TMEM244: variants seen among roughly 807,000 people sequenced by gnomAD.
The protein encoded by TMEM244 is putative transmembrane protein 244.
In TMEM244, 13 loss-of-function variants were observed where a neutral mutation model predicts 15.8. The ratio of observed to expected loss-of-function variants is 0.82; its 90% CI spans 0.53 to 1.30. The LOEUF (loss-of-function observed/expected upper bound fraction) is 1.30, where lower values mean the gene tolerates loss of function less well. Ranked by LOEUF, TMEM244 falls within the 50% of genes most tolerant of loss-of-function variation. TMEM244 has a pLI of 0.00. For missense variants in TMEM244, 161 were observed against 144.9 expected (o/e 1.11, Z -0.57); for synonymous variants, 45 against 48.7 (o/e 0.92, Z 0.32).
chr6:129,860,467 C>A (rs928067969), intron 1 of TMEM244, among the ~76,000 whole-genome samples: 3 of 152,030 alleles, frequency 2.0e-5, no homozygotes, highest in African/African-American at 7.3e-5. Context: ...GAAATACACA[C>A]GGTGCTGATA....
At position 129,831,331 on chromosome 6, in the gene TMEM244, T is replaced by C; in HGVS notation, c.375A>G (p.Lys125=). ...TGCATTAGAGAATCTAAACAAGCAATTTTGATATACCTAAAGCAGCCCACC... is the reference window on the plus strand; with the variant it reads ...TGCATTAGAGAATCTAAACAAGCAACTTTGATATACCTAAAGCAGCCCACC... The part of the protein sequence containing the change: ...SHWWAALGIS[K]LLV Residue 125 remains lysine (K), a synonymous_variant, in exon 5 of 5, where the codon AAA becomes AAG. Coordinates refer to ENST00000368143, the MANE Select transcript of TMEM244 (RefSeq NM_001010876.2). 6.4e-7 allele frequency: 1 copy of C among 1,557,874 alleles called. No homozygotes were observed. Among genetic ancestry groups the C allele is most frequent in the Non-Finnish European group, 8.9e-7 (1 of 1,128,954 alleles).
At chr6:129,851,832 T>C (rs1187763366) in intron 1 of TMEM244, among the ~76,000 whole-genome samples, 2 of 152,252 alleles carry the variant, frequency 1.3e-5, no homozygotes, top group African/African-American at 4.8e-5. Context: ...AGTCTAGATA[T>C]TTGGCTACTG....
At chr6:129,833,035 G>A (rs1776352208) in intron 4 of TMEM244, among the ~76,000 whole-genome samples, 1 of 152,058 alleles carries the variant, frequency 6.6e-6, no homozygotes, top group African/African-American at 2.4e-5. Context: ...CAGATTGGAT[G>A]TTGAAAAAGA....
At chr6:129,852,195 A>C (rs1776644257) in intron 1 of TMEM244, among the ~76,000 whole-genome samples, 1 of 152,188 alleles carries the variant, frequency 6.6e-6, no homozygotes, top group Non-Finnish European at 1.5e-5. Flanking sequence ...ATTTTATTTA[A>C]ATTTGCATAT....
chr6:129,833,415 T>C (rs1441280657), intron 4 of TMEM244, 45 bp downstream of exon 4: 1 of 1,583,524 alleles, frequency 6.3e-7, no homozygotes, highest in Non-Finnish European at 8.6e-7. Context: ...GTCCAACATC[T>C]GTTTTAATAC....
At chr6:129,853,648 C>A (rs1776665069) in intron 1 of TMEM244, among the ~76,000 whole-genome samples, 1 of 152,044 alleles carries the variant, frequency 6.6e-6, no homozygotes, top group Non-Finnish European at 1.5e-5. Flanking sequence ...CCTTCCACTG[C>A]CCTAAAAAAT....
chr6:129,849,830 G>A lies in TMEM244; in HGVS notation c.34-3978C>T, dbSNP rs866200667. ...TATTGAGGAGGGTACAGAGTGCTATGTAAGCCCAAGCGAGACGCCAGCAGA... is the reference window on the plus strand; with the variant it reads ...TATTGAGGAGGGTACAGAGTGCTATATAAGCCCAAGCGAGACGCCAGCAGA... On this transcript the variant is annotated intron_variant, in intron 1 of 4. Transcript: ENST00000368143. Among the ~76,000 whole-genome samples, 3 of 152,232 alleles carry A rather than the reference G, an allele frequency of 2.0e-5. 1 individual carries two copies. Among genetic ancestry groups the A allele is most frequent in the Admixed American group, 2.0e-4 (3 of 15,280 alleles).
At position 129,833,505 on chromosome 6, in the gene TMEM244, A is replaced by G; in HGVS notation, c.274T>C (p.Tyr92His). Reference sequence around the variant, plus strand: ...TGAAGAATAGTGACTGAAATAGCATAATCCCAAACCCATTCTTCCACAACT... The same window carrying G: ...TGAAGAATAGTGACTGAAATAGCATGATCCCAAACCCATTCTTCCACAACT... ...VPVVEEWVWD[Y>H]AISVTILHVA... Residue 92 changes from tyrosine (Y) to histidine (H), a missense_variant, in exon 4 of 5, where the codon TAT (tyrosine) becomes CAT (histidine). Transcript: ENST00000368143. The G allele has an allele frequency of 6.2e-7, 1 of 1,613,372 alleles. No individual in the cohort carries two copies. Among genetic ancestry groups the G allele is most frequent in the South Asian group, 1.1e-5 (1 of 91,016 alleles).
At chr6:129,858,927 TG>T (rs764099218) in intron 1 of TMEM244, among the ~76,000 whole-genome samples, 1 of 152,100 alleles carries the variant, frequency 6.6e-6, no homozygotes, top group Non-Finnish European at 1.5e-5. Context: ...CCTGAGTAGC[TG>T]GGACTACAGG....
At chr6:129,845,434 G>A (rs1776547614) in intron 2 of TMEM244, among the ~76,000 whole-genome samples, 1 of 152,084 alleles carries the variant, frequency 6.6e-6, no homozygotes, top group South Asian at 2.1e-4. Context: ...TTCATTTCAT[G>A]ATTGTTACTT....
chr6:129,860,145 G>GTGTGTC lies in TMEM244; in HGVS notation c.33+1010_33+1011insGACACA, dbSNP rs1407993279. On this transcript the variant is annotated intron_variant, in intron 1 of 4. Transcript: ENST00000368143. Reference sequence around the variant, plus strand: ...TGTGTGTGTGTGTGTGTGTGTGTGTGTGTCTGTCTGTCTGGTCTGTGTAAG... The same window carrying GTGTGTC: ...TGTGTGTGTGTGTGTGTGTGTGTGTGTGTGTCTGTCTGTCTGTCTGGTCTGTGTAAG... Among the ~76,000 whole-genome samples, 541 of 129,148 alleles carry GTGTGTC rather than the reference G, an allele frequency of 4.2e-3. 3 individuals carry two copies. The highest frequency in any genetic ancestry group is 6.0e-3 in the East Asian group (28 of 4,652). 84.7% of individuals were successfully genotyped at this position (129,148 alleles called of 152,430 possible).
At chr6:129,841,665 T>A (rs1421982842) in intron 3 of TMEM244, among the ~76,000 whole-genome samples, 1 of 152,156 alleles carries the variant, frequency 6.6e-6, no homozygotes, top group Non-Finnish European at 1.5e-5. Flanking sequence ...GTATTATTTA[T>A]CTCAAAAAAA....
intron 3 of TMEM244, among the ~76,000 whole-genome samples, chr6:129,836,196 C>G (rs1776404279): frequency 6.6e-6 from 1 of 152,148 alleles, no homozygotes; most frequent in Non-Finnish European, 1.5e-5. Context: ...AGGTGCCCCT[C>G]TGGGACGAAG....
chr6:129,837,532 C>T (rs964909154), intron 3 of TMEM244, among the ~76,000 whole-genome samples: 1 of 152,126 alleles, frequency 6.6e-6, no homozygotes, highest in Non-Finnish European at 1.5e-5. Flanking sequence ...GGCAAAATAA[C>T]CAGCTAACAT....
Position 129,833,526 on chromosome 6 carries a change from C to T in TMEM244, c.253G>A (p.Val85Met). 6.2e-7 allele frequency: 1 copy of T among 1,613,214 alleles called. No homozygotes were observed. Among genetic ancestry groups the T allele is most frequent in the Non-Finnish European group, 8.5e-7 (1 of 1,179,612 alleles). The change falls in exon 4 of 5, where the codon GTG (valine) becomes ATG (methionine). Residue 85 changes from valine (V) to methionine (M), a missense_variant. Physicochemically the swap from Val to Met is conservative, Grantham distance 21. Transcript: ENST00000368143. ...GCATAATCCCAAACCCATTCTTCCA[C>T]AACTGGAACAAAAAACAATCCACAA... ...FVCGLFFVPV[V>M]EEWVWDYAIS...
intron 4 of TMEM244, 139 bp from the exon 5 acceptor site, chr6:129,831,525 G>T: frequency 1.6e-6 from 1 of 640,364 alleles, no homozygotes; most frequent in South Asian, 2.0e-5. Context: ...GTAGCCCCAA[G>T]TTGTACTTCA....
At chr6:129,849,882 T>C (rs1435937189) in intron 1 of TMEM244, among the ~76,000 whole-genome samples, 1 of 152,192 alleles carries the variant, frequency 6.6e-6, no homozygotes, top group Admixed American at 6.5e-5. Context: ...TGTGTGTGTA[T>C]GTGTGCCTCC....
At position 129,860,968 on chromosome 6, in the gene TMEM244, C is replaced by T. The variant is rs546220811; in HGVS notation, c.33+188G>A. 3.3e-5 allele frequency among the ~76,000 whole-genome samples: 5 copies of T among 152,288 alleles called. No homozygotes were observed. The East Asian group carries it at 7.7e-4, about 23-fold the overall frequency. Reference sequence around the variant, plus strand: ...ACATGTTTTAGAATCCTTTCTTGGGCATGGGTGCCTTTATATTGCCCTATT... The same window carrying T: ...ACATGTTTTAGAATCCTTTCTTGGGTATGGGTGCCTTTATATTGCCCTATT... On this transcript the variant is annotated intron_variant, in intron 1 of 4. Transcript: ENST00000368143.
At chr6:129,834,963 T>TACA (rs1776382611) in intron 3 of TMEM244, among the ~76,000 whole-genome samples, 2 of 152,212 alleles carry the variant, frequency 1.3e-5, no homozygotes, top group Admixed American at 1.3e-4. Flanking sequence ...TTTAGTCTTG[T>TACA]ACAAGCTGCA....
Sources: allele counts gnomAD v4.1 joint callset (sites outside exome capture counted in the v4.1 genomes callset), GRCh38; gene constraint gnomAD v4.1.1; transcripts MANE v1.5; gene names NCBI Gene and HGNC (gene_info 2026-07-23, HGNC 2026-07-21).